Variants in PRKDC observed in about 807,000 individuals in gnomAD.
The protein encoded by PRKDC is protein kinase, DNA-activated, catalytic subunit.
Under a neutral mutation model 486.9 loss-of-function variants are expected in PRKDC, and 82 were observed. The observed-to-expected ratio is 0.17, with a 90% CI of 0.14 to 0.20. The LOEUF is 0.20. PRKDC is among the 10% of genes least tolerant of loss of function. The probability of loss-of-function intolerance (pLI) is 1.00; values close to 1 mark genes in which losing one functional copy is unlikely to be tolerated. For missense variants in PRKDC, 4,504 were observed against 5,038.2 expected, an observed-to-expected ratio of 0.89 and a Z score of 3.21; for synonymous variants, 1,895 against 1,837.0, an observed-to-expected ratio of 1.03 and a Z score of -0.81.
chr8:47,927,706 G>A (rs1324892595), intron 20 of PRKDC, 65 bp downstream of exon 20: 17 of 1,420,824 alleles, frequency 1.2e-5, no homozygotes. Context: ...AGAGGATGGT[G>A]TTTCTATGTG....
At chr8:47,928,154 C>CTTTTTT (rs375267637) in intron 19 of PRKDC, among the ~76,000 whole-genome samples, 1 of 130,996 alleles carries the variant, frequency 7.6e-6, no homozygotes, top group African/African-American at 2.8e-5. Context: ...GCTTGAGGGA[C>CTTTTTT]TTTTTTTTTT....
chr8:47,954,365 C>A lies in PRKDC; in HGVS notation c.481G>T (p.Ala161Ser), dbSNP rs2154504594. 6.8e-6 allele frequency: 9 copies of A among 1,328,130 alleles called. No individual in the cohort carries two copies. The highest frequency in any genetic ancestry group is 9.2e-6 in the Non-Finnish European group (9 of 980,800). The allele number at this position is 1,328,130 out of a possible 1,614,324, so 82.3% of individuals were successfully genotyped here. A position where few individuals can be genotyped will look rare whatever the true frequency, so the allele number is the denominator to read the frequency against. ...ELFSKFYGEL[A>S]LKKKIPDTVL... ...GTATCTGGTATTTTTTTTTTCAATG[C>A]AAGTTCTCCATAGAATTTACTAAAT... Residue 161 changes from alanine to serine, a missense_variant, in exon 5 of 86, where the codon GCA becomes TCA. Coordinates refer to ENST00000314191, the MANE Select transcript of PRKDC (RefSeq NM_006904.7).
intron 21 of PRKDC, among the ~76,000 whole-genome samples, chr8:47,923,251 G>A (rs1213229154): frequency 6.6e-6 from 1 of 151,888 alleles, no homozygotes; most frequent in African/African-American, 2.4e-5. Flanking sequence ...TTTTAGTAGA[G>A]ACACGGTTTC....
chr8:47,914,959 A>G (rs2089963617), intron 23 of PRKDC, among the ~76,000 whole-genome samples: 1 of 152,150 alleles, frequency 6.6e-6, no homozygotes, highest in African/African-American at 2.4e-5. Context: ...GCAGCCTACT[A>G]ATCAAAAATG....
At chr8:47,878,922 C>T (rs1360829635) in intron 39 of PRKDC, among the ~76,000 whole-genome samples, 1 of 152,146 alleles carries the variant, frequency 6.6e-6, no homozygotes, top group Non-Finnish European at 1.5e-5. Flanking sequence ...CGGGATATCT[C>T]ATGTATACAC....
chr8:47,840,261 A>AC, intron 54 of PRKDC, 72 bp from the exon 55 acceptor site: 1 of 1,258,696 alleles, frequency 7.9e-7, no homozygotes, highest in East Asian at 2.5e-5. Context: ...ATGACAGGCA[A>AC]CTTTTTCTTC....
intron 34 of PRKDC, 88 bp downstream of exon 34, chr8:47,888,430 T>C (rs1253371566): frequency 1.6e-5 from 19 of 1,215,742 alleles, no homozygotes; most frequent in Non-Finnish European, 2.1e-5. Context: ...GCTCAATACA[T>C]AAAGGACTTT....
intron 7 of PRKDC, among the ~76,000 whole-genome samples, chr8:47,945,267 T>A (rs552381400): frequency 1.8e-4 from 28 of 152,310 alleles, no homozygotes; most frequent in Non-Finnish European, 3.7e-4. Context: ...AAAACAGACA[T>A]ATTTATCATT....
rs1037069207 is a variant in PRKDC, at chr8:47,779,069, T to G, written c.11514A>C (p.Glu3838Asp). 6.3e-7 allele frequency: 1 copy of G among 1,599,328 alleles called. No individual in the cohort carries two copies. Among genetic ancestry groups the G allele is most frequent in the Admixed American group, 1.7e-5 (1 of 57,914 alleles). ...ACATTTTTGTCAGCCAATCTTTATA[T>G]TCACACGGCGGTGCCCTGGGATCAC... is the stretch of plus-strand genomic sequence containing the variant. ...YLSDPRAPPC[E>D]YKDWLTKMSG... is the part of the protein sequence containing the mutation. The change falls in exon 81 of 86, where the codon GAA becomes GAC. Residue 3838 changes from glutamate (E) to aspartate (D), a missense_variant. Glu to Asp is a conservative substitution (Grantham distance 45). Around this residue, in one of 6 missense-constraint regions of PRKDC, gnomAD observed 706 missense variants for 945.0 expected, o/e 0.75. Coordinates refer to ENST00000314191, the MANE Select transcript of PRKDC (RefSeq NM_006904.7).
chr8:47,802,819 AT>A (rs1289606446), intron 70 of PRKDC, among the ~76,000 whole-genome samples: 1 of 151,742 alleles, frequency 6.6e-6, no homozygotes, highest in Non-Finnish European at 1.5e-5. Flanking sequence ...TGCCTGGTTA[AT>A]TTTTTTGTAT....
chr8:47,821,129 T>C (rs1248487387), intron 65 of PRKDC, among the ~76,000 whole-genome samples, 186 bp from the exon 66 acceptor site: 1 of 152,218 alleles, frequency 6.6e-6, no homozygotes, highest in Non-Finnish European at 1.5e-5. Context: ...ATAGCTTGTT[T>C]TGTAACCACA....
intron 56 of PRKDC, among the ~76,000 whole-genome samples, chr8:47,838,926 A>G (rs1388004623): frequency 3.3e-5 from 5 of 152,234 alleles, no homozygotes; most frequent in Non-Finnish European, 7.3e-5. Context: ...TTTGGTCCAT[A>G]TGACTTTTTC....
chr8:47,861,883 T>C (rs1005684313), intron 44 of PRKDC, among the ~76,000 whole-genome samples, 179 bp downstream of exon 44: 9 of 152,344 alleles, frequency 5.9e-5, no homozygotes, highest in Middle Eastern at 3.4e-3. Context: ...CTGACAAATT[T>C]TGTAGTTGCC....
At chr8:47,906,692 A>C (rs1055405594) in intron 25 of PRKDC, among the ~76,000 whole-genome samples, 3 of 151,162 alleles carry the variant, frequency 2.0e-5, no homozygotes, top group African/African-American at 7.3e-5. Context: ...TATCCTGTAC[A>C]TTTCTGCCTC....
Position 47,897,171 on chromosome 8 carries a change from A to T in PRKDC, c.3588T>A (p.Pro1196=). The T allele has an allele frequency of 6.3e-7, 1 of 1,597,554 alleles. No individual in the cohort carries two copies. The change falls in exon 30 of 86, where the codon CCT becomes CCA. Residue 1196 remains proline (P), a synonymous_variant. Transcript: ENST00000314191. ...KSIELFYKFV[P]LLPGNRSPNL... is the part of the protein sequence containing the mutation. The stretch of plus-strand genomic sequence containing the variant: ...TACAGATTACCATACCTGGCAATAA[A>T]GGAACGAATTTATAAAAGAGTTCAA...
rs758176826 is a variant in PRKDC at position 47,930,644 on chromosome 8, C to A, written c.1892+28G>T. 39 of 1,521,204 alleles carry A rather than the reference C, an allele frequency of 2.6e-5. No individual in the cohort carries two copies. In the Admixed American group the frequency reaches 7.9e-4, roughly 31 times the overall value. The allele number at this position is 1,521,204 out of a possible 1,614,324, so 94.2% of individuals were successfully genotyped here. A position where few individuals can be genotyped will look rare whatever the true frequency, so the allele number is the denominator to read the frequency against. On this transcript the variant is annotated intron_variant, in intron 17 of 85. Transcript: ENST00000314191. ...CCAATAACTAACAATCATTTTCATT[C>A]TTAAATAATTAGAATTTTACCAAAT...
chr8:47,885,918 G>T, intron 36 of PRKDC, 26 bp downstream of exon 36: 1 of 1,599,210 alleles, frequency 6.3e-7, no homozygotes, highest in African/African-American at 1.3e-5. Context: ...AAAAAAAACA[G>T]TTTATTTAAA....
intron 27 of PRKDC, 62 bp from the exon 28 acceptor site, chr8:47,900,529 A>C: frequency 7.0e-7 from 1 of 1,418,708 alleles, no homozygotes; most frequent in Non-Finnish European, 9.7e-7. Context: ...GGACAAAGAA[A>C]AGAAGGAATG....
At chr8:47,910,581 C>T (rs35848577) in intron 25 of PRKDC, among the ~76,000 whole-genome samples, 6,592 of 152,300 alleles carry the variant, frequency 0.043, 227 homozygotes, top group Middle Eastern at 0.12. Flanking sequence ...CTACACAAGA[C>T]TCCCTCCAGC....
Sources: gnomAD v4.1 joint callset for allele counts (sites outside exome capture counted in the v4.1 genomes callset) on GRCh38, gnomAD v4.1.1 for gene constraint, gnomAD v4.1.1 regional missense constraint, MANE v1.5 for transcripts, NCBI Gene and HGNC (gene_info 2026-07-23, HGNC 2026-07-21) for gene names.